Variants in ADTRP observed in about 807,000 individuals in gnomAD.
ADTRP encodes the protein androgen dependent TFPI regulating protein.
In ADTRP, 20 loss-of-function variants were observed where a neutral mutation model predicts 27.0. That is an observed-to-expected ratio of 0.74 (90% CI 0.52 to 1.08). The LOEUF is 1.08. Ranked by LOEUF, ADTRP falls within the 50% of genes least tolerant of loss-of-function variation. The probability of loss-of-function intolerance (pLI) is 0.00; values close to 1 mark genes in which losing one functional copy is unlikely to be tolerated. For missense variants in ADTRP, 251 were observed against 275.0 expected (o/e 0.91, Z 0.62); for synonymous variants, 101 against 105.2 (o/e 0.96, Z 0.25).
chr6:11,759,751 G>A (rs1265688937), intron 3 of ADTRP, among the ~76,000 whole-genome samples: 4 of 152,208 alleles, frequency 2.6e-5, no homozygotes, highest in Non-Finnish European at 5.9e-5. Context: ...CATTGAAGAT[G>A]TAATTAAATT....
chr6:11,745,691 G>A (rs992285776), intron 3 of ADTRP, among the ~76,000 whole-genome samples: 2 of 150,144 alleles, frequency 1.3e-5, no homozygotes, highest in Non-Finnish European at 2.9e-5. Context: ...CCACTAAATT[G>A]TGTTTTGTTA....
chr6:11,751,996 G>A (rs566379501), intron 3 of ADTRP, among the ~76,000 whole-genome samples: 179 of 152,200 alleles, frequency 1.2e-3, no homozygotes, highest in African/African-American at 2.9e-3. Flanking sequence ...GGTTTCTGTC[G>A]TGTCACACAG....
At chr6:11,732,980 G>C (rs771064078) in intron 4 of ADTRP, among the ~76,000 whole-genome samples, 11 of 152,200 alleles carry the variant, frequency 7.2e-5, no homozygotes, top group Non-Finnish European at 1.5e-4. Flanking sequence ...TTGGAGAGAG[G>C]AGACCTCAGT....
chr6:11,747,284 A>T (rs755166676), intron 3 of ADTRP, among the ~76,000 whole-genome samples: 80 of 152,200 alleles, frequency 5.3e-4, no homozygotes, highest in Non-Finnish European at 8.5e-4. Flanking sequence ...AGACACACAC[A>T]TGCTTTTATT....
At position 11,717,233 on chromosome 6, in the gene ADTRP, C is replaced by A; in HGVS notation, c.659-2721G>T. On this transcript the variant is annotated intron_variant, in intron 5 of 5. Transcript: ENST00000414691. ...GGCAGATAGGAAGTTAGATTCACCC[C>A]GACTTGTTTTATTCCTTTAACTGCT... 3.2e-6 allele frequency: 4 copies of A among 1,254,298 alleles called. No homozygotes were observed. In the South Asian group the frequency reaches 5.4e-5, roughly 17 times the overall value. 77.7% of individuals were successfully genotyped at this position (1,254,298 alleles called of 1,614,324 possible).
chr6:11,765,857 CAA>C (rs769220582), intron 3 of ADTRP, among the ~76,000 whole-genome samples: 5 of 152,166 alleles, frequency 3.3e-5, no homozygotes, highest in African/African-American at 7.2e-5. Flanking sequence ...AGAATCGTGA[CAA>C]AGTGTGTTAC....
Position 11,769,739 on chromosome 6 carries a change from AAG to A in ADTRP, c.154-1358_154-1357del, listed in dbSNP as rs999651753. 7.9e-5 allele frequency among the ~76,000 whole-genome samples: 12 copies of A among 152,272 alleles called. 1 individual carries two copies. The highest frequency in any genetic ancestry group is 2.4e-4 in the African/African-American group (10 of 41,544). ...TGTAAAATAAAAGTTAAAAAAAAAA[AAG>A]AAATTTTTGGCCAACCTTATTAAGA... is the stretch of plus-strand genomic sequence containing the variant. On this transcript the variant is annotated intron_variant, in intron 1 of 5. Transcript: ENST00000414691.
chr6:11,773,625 A>G (rs1763857240), intron 1 of ADTRP, among the ~76,000 whole-genome samples: 1 of 152,216 alleles, frequency 6.6e-6, no homozygotes, highest in Non-Finnish European at 1.5e-5. Flanking sequence ...GCTTTGCACC[A>G]TCAGCAGCCA....
intron 5 of ADTRP, among the ~76,000 whole-genome samples, chr6:11,718,707 GT>G (rs1377379115): frequency 2.6e-5 from 4 of 152,186 alleles, no homozygotes; most frequent in Non-Finnish European, 5.9e-5. Context: ...GGGATGACTG[GT>G]CCCAGTAACT....
intron 4 of ADTRP, among the ~76,000 whole-genome samples, chr6:11,735,029 T>G (rs1762504653): frequency 2.0e-5 from 3 of 152,164 alleles, no homozygotes. Context: ...TATTGCCAGG[T>G]GGTTGAATGA....
In ADTRP at chr6:11,768,284, G is replaced by C; in HGVS notation, c.253C>G (p.Leu85Val). ...DIKFLTAFRD[L>V]LFTTLAFPVS... ...GGAAAAGCCAGAGTGGTGAAAAGCAGGTCTCTGAAGGCAGTTAGGAACTTA... is the reference window on the plus strand; with the variant it reads ...GGAAAAGCCAGAGTGGTGAAAAGCACGTCTCTGAAGGCAGTTAGGAACTTA... The change falls in exon 2 of 6, where the codon CTG becomes GTG. Residue 85 changes from leucine to valine, a missense_variant. By Grantham distance (32) the Leu-to-Val change is conservative. Coordinates refer to ENST00000414691, the MANE Select transcript of ADTRP (RefSeq NM_032744.4). 1 of 1,614,156 alleles carries C rather than the reference G, an allele frequency of 6.2e-7. No individual in the cohort carries two copies. The highest frequency in any genetic ancestry group is 8.5e-7 in the Non-Finnish European group (1 of 1,180,022).
chr6:11,730,243 T>C (rs1406548590), intron 4 of ADTRP, among the ~76,000 whole-genome samples: 1 of 152,190 alleles, frequency 6.6e-6, no homozygotes, highest in Admixed American at 6.5e-5. Context: ...TTTTCATATA[T>C]GAATTTACAG....
chr6:11,762,973 A>G (rs574486580), intron 3 of ADTRP, among the ~76,000 whole-genome samples: 2 of 152,302 alleles, frequency 1.3e-5, no homozygotes, highest in South Asian at 4.1e-4. Context: ...CTGAGGAGTT[A>G]ATGTTTTCCT....
At chr6:11,723,251 G>A (rs1220748988) in intron 5 of ADTRP, 98 bp downstream of exon 5, 2 of 1,461,438 alleles carry the variant, frequency 1.4e-6, no homozygotes, top group Non-Finnish European at 1.9e-6. Context: ...AAGCATCATT[G>A]CTTCTGTTTG....
intron 1 of ADTRP, among the ~76,000 whole-genome samples, chr6:11,771,136 T>G (rs750460128): frequency 7.9e-5 from 12 of 152,266 alleles, no homozygotes; most frequent in Non-Finnish European, 1.6e-4. Context: ...ACTCAGATCC[T>G]CCGGGCCTTC....
chr6:11,765,033 G>T (rs1413187352), intron 3 of ADTRP, among the ~76,000 whole-genome samples: 1 of 152,050 alleles, frequency 6.6e-6, no homozygotes, highest in South Asian at 2.1e-4. Context: ...TCAGACTTAC[G>T]TAAGGTAGTT....
chr6:11,740,566 T>C (rs2113252706), intron 3 of ADTRP, among the ~76,000 whole-genome samples: 1 of 152,318 alleles, frequency 6.6e-6, no homozygotes, highest in African/African-American at 2.4e-5. Flanking sequence ...TCACATTTCT[T>C]AAGCTTGAAA....
chr6:11,778,695 T>C lies in ADTRP; in HGVS notation c.65A>G (p.Tyr22Cys). The C allele has an allele frequency of 6.2e-7, 1 of 1,614,228 alleles. No homozygotes were observed. Among genetic ancestry groups the C allele is most frequent in the Middle Eastern group, 1.6e-4 (1 of 6,062 alleles). ...GTCTTTTCCTTCCTGTGAGATGTAA[T>C]AATTGAGGAAAGTATACCAGCTCAG... Reference protein sequence around the residue: ...LVLSWYTFLNYYISQEGKDEV... With the variant: ...LVLSWYTFLNCYISQEGKDEV... The change falls in exon 1 of 6, where the codon TAT becomes TGT. Residue 22 changes from tyrosine (Y) to cysteine (C), a missense_variant. Physicochemically the swap from Tyr to Cys is radical, Grantham distance 194. Coordinates refer to ENST00000414691, the MANE Select transcript of ADTRP (RefSeq NM_032744.4).
chr6:11,743,474 C>T lies in ADTRP; in HGVS notation c.391-7791G>A, dbSNP rs568353071. Among the ~76,000 whole-genome samples, 10 of 152,286 alleles carry T rather than the reference C, an allele frequency of 6.6e-5. No homozygotes were observed. The East Asian group carries it at 1.7e-3, about 26-fold the overall frequency. The stretch of plus-strand genomic sequence containing the variant: ...ATACAGCACTCACCTGTCCCTCCCT[C>T]CCTCAGCCCCCTTGGCCTTCACATC... On this transcript the variant is annotated intron_variant, in intron 3 of 5. Transcript: ENST00000414691.
Sources: allele counts gnomAD v4.1 joint callset (sites outside exome capture counted in the v4.1 genomes callset), GRCh38; gene constraint gnomAD v4.1.1; transcripts MANE v1.5; gene names NCBI Gene and HGNC (gene_info 2026-07-23, HGNC 2026-07-21).